RASA1: variants seen among roughly 807,000 people sequenced by gnomAD.
RASA1 encodes the protein ras GTPase-activating protein 1.
A neutral mutation model predicts 132.2 loss-of-function variants in RASA1; 25 were observed. That is an observed-to-expected ratio of 0.19 (90% confidence interval 0.14 to 0.26). RASA1 has a LOEUF of 0.26. Ranked by LOEUF, RASA1 falls within the 10% of genes least tolerant of loss-of-function variation. The pLI, the probability that RASA1 is intolerant of heterozygous loss-of-function variation, is 1.00. For synonymous variants in RASA1, 477 were observed against 449.9 expected (o/e 1.06, Z -0.76); for missense variants, 964 against 1,299.2 (o/e 0.74, Z 3.97).
At chr5:87,277,404 G>A (rs1219043240) in intron 1 of RASA1, among the ~76,000 whole-genome samples, 1 of 152,112 alleles carries the variant, frequency 6.6e-6, no homozygotes, top group Non-Finnish European at 1.5e-5. Context: ...GGTTAAATGA[G>A]GTCATAAGGG....
chr5:87,268,755 G>A lies in RASA1; in HGVS notation c.304G>A (p.Val102Met), dbSNP rs115606026. The change falls in exon 1 of 25, where the codon GTG becomes ATG. Residue 102 changes from valine to methionine, a missense_variant. Val to Met is a conservative substitution (Grantham distance 21). Around this residue, in one of 6 missense-constraint regions of RASA1, gnomAD observed 326 missense variants for 275.8 expected, o/e 1.18. Coordinates refer to ENST00000274376, the MANE Select transcript of RASA1 (RefSeq NM_002890.3). ...TGGCGTAGCTGGTGCTGCTGCTGGCGTGGCCGGTGCTGCTGTTGCTGGACC... is the reference window on the plus strand; with the variant it reads ...TGGCGTAGCTGGTGCTGCTGCTGGCATGGCCGGTGCTGCTGTTGCTGGACC... ...AAGVAGAAAG[V>M]AGAAVAGPSG... is the part of the protein sequence containing the mutation. 1 of 1,613,666 alleles carries A rather than the reference G, an allele frequency of 6.2e-7. No homozygotes were observed. The highest frequency in any genetic ancestry group is 1.7e-5 in the Admixed American group (1 of 59,952).
chr5:87,317,129 C>T (rs182496472), intron 1 of RASA1, among the ~76,000 whole-genome samples: 1 of 152,222 alleles, frequency 6.6e-6, no homozygotes. Context: ...GTGATCTGCC[C>T]GCCTTAACCT....
intron 1 of RASA1, chr5:87,330,948 C>A: frequency 7.0e-7 from 1 of 1,429,364 alleles, no homozygotes; most frequent in Non-Finnish European, 9.1e-7. Flanking sequence ...GTTCCATGTG[C>A]CTTGTGAAGT....
chr5:87,299,896 T>C (rs1241829555), intron 1 of RASA1: 1 of 152,216 alleles, frequency 6.6e-6, no homozygotes, highest in African/African-American at 2.4e-5. Flanking sequence ...GAAACCTATA[T>C]AGATGTTGAA....
At chr5:87,301,803 C>T (rs888121618) in intron 1 of RASA1, among the ~76,000 whole-genome samples, 4 of 151,940 alleles carry the variant, frequency 2.6e-5, no homozygotes, top group African/African-American at 7.2e-5. Context: ...GATACTCAAC[C>T]TTTACTATCT....
At chr5:87,379,426 A>G (rs550958012) in intron 18 of RASA1, among the ~76,000 whole-genome samples, 1 of 152,298 alleles carries the variant, frequency 6.6e-6, no homozygotes, top group African/African-American at 2.4e-5. Flanking sequence ...TGATATTTTT[A>G]TTAGCCATTA....
intron 23 of RASA1, among the ~76,000 whole-genome samples, chr5:87,388,187 G>A (rs1005623997): frequency 6.6e-6 from 1 of 152,134 alleles, no homozygotes; most frequent in Non-Finnish European, 1.5e-5. Context: ...TTCTCTGAAG[G>A]CAAATATGGA....
At chr5:87,367,453 T>C (rs2923742) in intron 11 of RASA1, among the ~76,000 whole-genome samples, 6,799 of 152,252 alleles carry the variant, frequency 0.045, 209 homozygotes, top group Non-Finnish European at 0.07. Flanking sequence ...AGTAGGTGAT[T>C]AGTGCGCATG....
At chr5:87,270,683 TG>T (rs1753792248) in intron 1 of RASA1, among the ~76,000 whole-genome samples, 1 of 116,878 alleles carries the variant, frequency 8.6e-6, no homozygotes, top group South Asian at 2.9e-4. Context: ...TTTTTTTTTT[TG>T]GATAAGCTTC....
Position 87,375,845 on chromosome 5 carries a change from C to T in RASA1, c.2012-548C>T, listed in dbSNP as rs115869387. 3.5e-3 allele frequency among the ~76,000 whole-genome samples: 532 copies of T among 152,244 alleles called. 1 individual carries two copies. The highest frequency in any genetic ancestry group is 0.012 in the African/African-American group (496 of 41,548). ...AATATTTCTCTATAAAATGTTTATT[C>T]TGTAGTTTTTTGTAGTAATTTTAGT... On this transcript the variant is annotated intron_variant, in intron 15 of 24. Coordinates refer to ENST00000274376, the MANE Select transcript of RASA1 (RefSeq NM_002890.3).
chr5:87,290,283 G>A (rs1287464578), intron 1 of RASA1, among the ~76,000 whole-genome samples: 1 of 152,138 alleles, frequency 6.6e-6, no homozygotes, highest in Non-Finnish European at 1.5e-5. Context: ...TGAGTAAAAT[G>A]GTGAATACTT....
rs1761984206 is a variant in RASA1 at position 87,385,196 on chromosome 5, G to A, written c.2759-105G>A. 4 of 772,100 alleles carry A rather than the reference G, an allele frequency of 5.2e-6. 1 individual carries two copies. The highest frequency in any genetic ancestry group is 2.9e-5 in the South Asian group (2 of 69,176). The allele number at this position is 772,100 out of a possible 1,614,324, so 47.8% of individuals were successfully genotyped here. ...TTCTGAGTTCCGAATGGAAGAATGG[G>A]TAGTAGTTTAACAGTAAAGAAATAT... On this transcript the variant is annotated intron_variant, in intron 21 of 24. Coordinates refer to ENST00000274376, the MANE Select transcript of RASA1 (RefSeq NM_002890.3).
At chr5:87,380,688 T>A in intron 20 of RASA1, 93 bp downstream of exon 20, 4 of 1,191,100 alleles carry the variant, frequency 3.4e-6, no homozygotes, top group Non-Finnish European at 5.0e-6. Context: ...CAATGCTTTT[T>A]TCTTTGGCTT....
At chr5:87,349,495 T>G (rs1442159847) in intron 8 of RASA1, 131 bp downstream of exon 8, 1 of 1,031,210 alleles carries the variant, frequency 9.7e-7, no homozygotes, top group Non-Finnish European at 1.4e-6. Context: ...CAATATAATT[T>G]CATAGTAGTC....
At chr5:87,292,244 C>G (rs1392807986) in intron 1 of RASA1, among the ~76,000 whole-genome samples, 1 of 152,052 alleles carries the variant, frequency 6.6e-6, no homozygotes, top group African/African-American at 2.4e-5. Context: ...ATCACCATAG[C>G]CAAGGTCATT....
chr5:87,357,460 T>C (rs1251068143), intron 9 of RASA1, among the ~76,000 whole-genome samples: 1 of 152,158 alleles, frequency 6.6e-6, no homozygotes, highest in Admixed American at 6.6e-5. Flanking sequence ...CATTTCCCCA[T>C]ACTGAATTTG....
At chr5:87,371,410 G>A (rs1412011895) in intron 12 of RASA1, among the ~76,000 whole-genome samples, 1 of 152,004 alleles carries the variant, frequency 6.6e-6, no homozygotes, top group Non-Finnish European at 1.5e-5. Flanking sequence ...TAAAGCAATA[G>A]TACACAGCTT....
chr5:87,309,390 A>G (rs1418969828), intron 1 of RASA1, among the ~76,000 whole-genome samples: 1 of 152,148 alleles, frequency 6.6e-6, no homozygotes, highest in Non-Finnish European at 1.5e-5. Flanking sequence ...CATTTTAAAT[A>G]GGGTAGTCAG....
intron 1 of RASA1, among the ~76,000 whole-genome samples, chr5:87,298,179 G>A (rs1344044793): frequency 6.6e-6 from 1 of 152,086 alleles, no homozygotes; most frequent in Non-Finnish European, 1.5e-5. Context: ...GGAGGCCGAG[G>A]CGGGTGGATC....
Sources: gnomAD v4.1 joint callset for allele counts (sites outside exome capture counted in the v4.1 genomes callset) on GRCh38, gnomAD v4.1.1 for gene constraint, gnomAD v4.1.1 regional missense constraint, MANE v1.5 for transcripts, NCBI Gene and HGNC (gene_info 2026-07-23, HGNC 2026-07-21) for gene names.